Variants in CCSER1 observed in about 807,000 individuals in gnomAD.
CCSER1 encodes coiled-coil serine rich protein 1, also known as serine-rich coiled-coil domain-containing protein 1.
In CCSER1, 41 loss-of-function variants were observed where a neutral mutation model predicts 82.0. That is an observed-to-expected ratio of 0.50 (90% CI 0.39 to 0.65). The LOEUF (loss-of-function observed/expected upper bound fraction) is 0.65. Ranked by LOEUF, CCSER1 falls within the 30% of genes least tolerant of loss-of-function variation. The probability of loss-of-function intolerance (pLI) is 0.00; values close to 1 mark genes in which losing one functional copy is unlikely to be tolerated. For synonymous variants in CCSER1, 414 were observed against 383.9 expected, an observed-to-expected ratio of 1.08 and a Z score of -0.92; for missense variants, 1,119 against 1,064.2, an observed-to-expected ratio of 1.05 and a Z score of -0.72.
intron 7 of CCSER1, among the ~76,000 whole-genome samples, chr4:90,741,069 C>G (rs1365881090): frequency 1.3e-5 from 2 of 152,110 alleles, no homozygotes; most frequent in East Asian, 3.9e-4. Context: ...AGCTTGAATA[C>G]TGCGGTAGAG....
chr4:90,579,646 A>C (rs1285717672), intron 5 of CCSER1, among the ~76,000 whole-genome samples: 1 of 152,140 alleles, frequency 6.6e-6, no homozygotes, highest in Non-Finnish European at 1.5e-5. Context: ...TAGATGGTGT[A>C]AAACACTAAT....
chr4:90,963,509 A>C (rs567235199), intron 9 of CCSER1, among the ~76,000 whole-genome samples: 1 of 152,310 alleles, frequency 6.6e-6, no homozygotes, highest in African/African-American at 2.4e-5. Context: ...ATAGGGCCTT[A>C]GGGAAGTATT....
intron 9 of CCSER1, among the ~76,000 whole-genome samples, chr4:90,998,140 G>A (rs1737663086): frequency 6.6e-6 from 1 of 151,778 alleles, no homozygotes; most frequent in Non-Finnish European, 1.5e-5. Flanking sequence ...TAGTGCAATG[G>A]CGCGATCTTG....
intron 5 of CCSER1, among the ~76,000 whole-genome samples, chr4:90,482,174 A>G (rs920347515): frequency 4.6e-5 from 7 of 152,186 alleles, no homozygotes; most frequent in Admixed American, 1.3e-4. Context: ...TGTTTCTAGT[A>G]TTCTCTGATG....
intron 10 of CCSER1, among the ~76,000 whole-genome samples, chr4:91,493,590 C>T (rs1758663839): frequency 6.6e-6 from 1 of 151,638 alleles, no homozygotes; most frequent in African/African-American, 2.4e-5. Context: ...CATTGTTATG[C>T]AAGCACATCA....
intron 5 of CCSER1, among the ~76,000 whole-genome samples, chr4:90,574,331 C>G (rs1442069244): frequency 7.2e-6 from 1 of 138,150 alleles, no homozygotes; most frequent in South Asian, 2.2e-4. Flanking sequence ...TGCAGTGGCG[C>G]AATCTCGGCT....
chr4:90,607,262 C>T (rs1417147790), intron 5 of CCSER1, among the ~76,000 whole-genome samples: 2 of 152,092 alleles, frequency 1.3e-5, no homozygotes, highest in African/African-American at 4.8e-5. Context: ...ATATATATGT[C>T]AATATTTAAT....
At chr4:90,981,120 A>G (rs1736076992) in intron 9 of CCSER1, among the ~76,000 whole-genome samples, 1 of 151,796 alleles carries the variant, frequency 6.6e-6, no homozygotes, top group Non-Finnish European at 1.5e-5. Flanking sequence ...CCTTGGGCAG[A>G]CCCTAAGCTG....
intron 5 of CCSER1, among the ~76,000 whole-genome samples, chr4:90,477,465 A>T (rs552950174): frequency 6.6e-6 from 1 of 152,316 alleles, no homozygotes; most frequent in African/African-American, 2.4e-5. Context: ...AGGAAGCACA[A>T]TAAAAATTAC....
chr4:90,511,626 TA>T (rs1357415786), intron 5 of CCSER1, among the ~76,000 whole-genome samples: 1 of 152,180 alleles, frequency 6.6e-6, no homozygotes, highest in Non-Finnish European at 1.5e-5. Flanking sequence ...GGAATTTTTC[TA>T]AAGATAGGTG....
intron 9 of CCSER1, among the ~76,000 whole-genome samples, chr4:91,013,570 T>G (rs1433948259): frequency 7.6e-6 from 1 of 131,056 alleles, no homozygotes; most frequent in Non-Finnish European, 1.8e-5. Context: ...GTCTGTCTGT[T>G]TCCATTGTGG....
intron 10 of CCSER1, among the ~76,000 whole-genome samples, chr4:91,303,957 T>A (rs1744860524): frequency 1.3e-5 from 2 of 152,068 alleles, no homozygotes; most frequent in South Asian, 4.1e-4. Flanking sequence ...TATAGTCTGT[T>A]AATTAAATAA....
chr4:91,565,538 AT>A (rs1042494075), intron 10 of CCSER1, among the ~76,000 whole-genome samples: 1 of 151,798 alleles, frequency 6.6e-6, no homozygotes, highest in African/African-American at 2.4e-5. Context: ...TGACCATGGG[AT>A]TTTTTTTCCA....
intron 10 of CCSER1, among the ~76,000 whole-genome samples, chr4:91,482,692 C>T (rs1758003517): frequency 6.6e-6 from 1 of 152,044 alleles, no homozygotes; most frequent in African/African-American, 2.4e-5. Flanking sequence ...TTGCAACCAA[C>T]CCAAATGCCC....
chr4:91,126,630 G>A (rs1313383123), intron 10 of CCSER1, among the ~76,000 whole-genome samples: 1 of 151,832 alleles, frequency 6.6e-6, no homozygotes, highest in Non-Finnish European at 1.5e-5. Flanking sequence ...GTTTAGAATG[G>A]CAGCATATAA....
At chr4:90,302,227 T>G (rs1297896960) in intron 1 of CCSER1, among the ~76,000 whole-genome samples, 1 of 152,164 alleles carries the variant, frequency 6.6e-6, no homozygotes, top group Non-Finnish European at 1.5e-5. Context: ...GAGAAATGGT[T>G]TTTGGCATTA....
chr4:91,434,640 G>C (rs1057055715), intron 10 of CCSER1, among the ~76,000 whole-genome samples: 3 of 152,160 alleles, frequency 2.0e-5, no homozygotes, highest in Admixed American at 6.5e-5. Flanking sequence ...TATGAAGATT[G>C]ATGGCAGTTT....
intron 10 of CCSER1, among the ~76,000 whole-genome samples, chr4:91,412,513 G>T (rs1165496364): frequency 6.6e-6 from 1 of 151,928 alleles, no homozygotes; most frequent in Non-Finnish European, 1.5e-5. Context: ...ATTCATCCTG[G>T]TGCCAGTGCT....
intron 10 of CCSER1, among the ~76,000 whole-genome samples, chr4:91,163,219 G>C (rs56276421): frequency 0.36 from 54,166 of 152,066 alleles, 10,922 homozygotes; most frequent in Non-Finnish European, 0.46. Flanking sequence ...AGATTGTTCA[G>C]TTTCCATGTA....
Sources: gnomAD v4.1 joint callset for allele counts (sites outside exome capture counted in the v4.1 genomes callset) on GRCh38, gnomAD v4.1.1 for gene constraint, MANE v1.5 for transcripts, NCBI Gene and HGNC (gene_info 2026-07-23, HGNC 2026-07-21) for gene names.